TUB: variants seen among roughly 807,000 people sequenced by gnomAD.
TUB encodes the protein tubby protein homolog.
A neutral mutation model predicts 59.7 loss-of-function variants in TUB; 33 were observed. The ratio of observed to expected loss-of-function variants is 0.55; its 90% confidence interval spans 0.42 to 0.74. The LOEUF (loss-of-function observed/expected upper bound fraction) is 0.74, where lower values mean the gene tolerates loss of function less well. TUB is among the 30% of genes least tolerant of loss of function. The probability of loss-of-function intolerance (pLI) is 0.00; values close to 1 mark genes in which losing one functional copy is unlikely to be tolerated. For missense variants in TUB, 659 were observed against 672.0 expected (o/e 0.98, Z 0.21); for synonymous variants, 293 against 256.4 (o/e 1.14, Z -1.36).
upstream of TUB, among the ~76,000 whole-genome samples, chr11:8,034,086 C>T (rs2133716067): frequency 6.6e-6 from 1 of 152,338 alleles, no homozygotes; most frequent in South Asian, 2.1e-4. Flanking sequence ...TGGCCTCATC[C>T]CTCTCACCTG....
rs766320426 is a variant in TUB, at chr11:8,106,004, G to C, written c.*4385G>C. The C allele has an allele frequency of 2.0e-5, 3 of 151,798 alleles. No homozygotes were observed. Among genetic ancestry groups the C allele is most frequent in the Non-Finnish European group, 4.4e-5 (3 of 67,770 alleles). The allele number at this position is 151,798 out of a possible 1,614,324, so 9.4% of individuals were successfully genotyped here. ...CACAAGATTGTCTTTTCCTATTTTG[G>C]AGTGGTCAGACATTTTATTTTTGTT... On this transcript the variant is annotated 3_prime_UTR_variant, in exon 12 of 12. Transcript: ENST00000299506.
Position 8,095,641 on chromosome 11 carries a change from C to G in TUB, c.541C>G (p.Leu181Val). Residue 181 changes from leucine (L) to valine (V), a missense_variant, in exon 5 of 12, where the codon CTC (leucine) becomes GTC (valine). Transcript: ENST00000299506. ...GGGERPSGQD[L>V]RATMQRKGIS... ...GGGCGAACGGCCCAGCGGGCAGGAT[C>G]TCCGTGCCACGATGCAGAGGAAGGG... The G allele has an allele frequency of 6.2e-7, 1 of 1,605,950 alleles. No individual in the cohort carries two copies. Among genetic ancestry groups the G allele is most frequent in the Non-Finnish European group, 8.5e-7 (1 of 1,176,578 alleles).
At chr11:8,090,827 C>T (rs1259633613) in intron 3 of TUB, among the ~76,000 whole-genome samples, 1 of 151,940 alleles carries the variant, frequency 6.6e-6, no homozygotes, top group Non-Finnish European at 1.5e-5. Flanking sequence ...AGCACATCTC[C>T]AGAGATGGCT....
At chr11:8,097,661 T>C (rs1009963082) in intron 7 of TUB, 53 bp from the exon 8 acceptor site, 2 of 1,503,892 alleles carry the variant, frequency 1.3e-6, no homozygotes, top group African/African-American at 2.7e-5. Context: ...CTCTCATGAC[T>C]GTGTGCAGAC....
At chr11:8,080,261 C>A (rs1280950630), upstream of TUB, among the ~76,000 whole-genome samples, 1 of 152,244 alleles carries the variant, frequency 6.6e-6, no homozygotes, top group East Asian at 1.9e-4. Context: ...GGGGACCGTG[C>A]CCCTCCGCAG....
chr11:8,028,889 A>G (rs1942534023), intron 1 of TUB, among the ~76,000 whole-genome samples: 1 of 152,140 alleles, frequency 6.6e-6, no homozygotes, highest in Admixed American at 6.5e-5. Flanking sequence ...GCACATGCCT[A>G]TAGTACCAGC....
At chr11:8,042,303 A>G (rs1942764220) in intron 2 of TUB, among the ~76,000 whole-genome samples, 1 of 152,210 alleles carries the variant, frequency 6.6e-6, no homozygotes, top group Non-Finnish European at 1.5e-5. Flanking sequence ...GCATTTATCA[A>G]TACTTCATTT....
At position 8,101,986 on chromosome 11, in the gene TUB, T is replaced by C; in HGVS notation, c.*367T>C. On this transcript the variant is annotated 3_prime_UTR_variant, in exon 12 of 12. Coordinates refer to ENST00000299506, the MANE Select transcript of TUB (RefSeq NM_177972.3). ...AGGGAGAGGAAGCACACTGCAGGGC[T>C]GCTGTGGCCCAGTCGTCCGCTCAGC... is the stretch of plus-strand genomic sequence containing the variant. 4.0e-6 allele frequency: 1 copy of C among 250,566 alleles called. No individual in the cohort carries two copies. Among genetic ancestry groups the C allele is most frequent in the South Asian group, 9.1e-5 (1 of 11,020 alleles). The allele number at this position is 250,566 out of a possible 1,614,324, so 15.5% of individuals were successfully genotyped here.
chr11:8,071,537 A>G (rs1564910400), intron 2 of TUB, among the ~76,000 whole-genome samples: 1 of 152,188 alleles, frequency 6.6e-6, no homozygotes, highest in African/African-American at 2.4e-5. Flanking sequence ...TGGTGTTTTT[A>G]GATCAAGTGA....
intron 1 of TUB, 34 bp downstream of exon 1, chr11:8,081,582 C>A (rs749065071): frequency 6.7e-7 from 1 of 1,503,510 alleles, no homozygotes; most frequent in East Asian, 2.7e-5. Flanking sequence ...GCCCACCACT[C>A]CCGACTCGGG....
upstream of TUB, among the ~76,000 whole-genome samples, chr11:8,035,177 T>A (rs1348929954): frequency 6.6e-6 from 1 of 152,240 alleles, no homozygotes; most frequent in Admixed American, 6.5e-5. Flanking sequence ...AGTATTTTTT[T>A]AAATCAAAAT....
At chr11:8,101,127 T>A (rs1300285531) in intron 11 of TUB, 130 bp downstream of exon 11, 2 of 1,129,608 alleles carry the variant, frequency 1.8e-6, no homozygotes, top group Middle Eastern at 2.2e-4. Flanking sequence ...TAAGGTTAGA[T>A]GTATGGAACT....
chr11:8,055,608 T>C (rs1441947347), intron 2 of TUB, among the ~76,000 whole-genome samples: 2 of 152,212 alleles, frequency 1.3e-5, no homozygotes, highest in Admixed American at 1.3e-4. Flanking sequence ...CAGAGGCCCC[T>C]CACCCCAGGA....
upstream of TUB, among the ~76,000 whole-genome samples, chr11:8,037,031 T>G (rs1942656015): frequency 1.3e-5 from 2 of 152,206 alleles, no homozygotes; most frequent in Admixed American, 1.3e-4. Flanking sequence ...GTCCTTTTAC[T>G]CTGACTGGAG....
In TUB at chr11:8,021,932, A is replaced by G. The variant is rs201327234; in HGVS notation, c.56+2574A>G. On this transcript the variant is annotated intron_variant, in intron 1 of 11. Transcript: ENST00000534099. ...CTCCAGCTCAAAAAAAAAAAAAAAA[A>G]GAAAATTATTTTTCTGCTTTCAGAC... is the stretch of plus-strand genomic sequence containing the variant. Among the ~76,000 whole-genome samples the G allele has an allele frequency of 2.2e-3, 312 of 143,750 alleles. 8 individuals carry two copies. The East Asian group carries it at 0.053, about 24-fold the overall frequency. 94.3% of individuals were successfully genotyped at this position (143,750 alleles called of 152,430 possible).
intron 2 of TUB, among the ~76,000 whole-genome samples, chr11:8,060,516 C>A (rs1466409895): frequency 1.3e-5 from 2 of 152,178 alleles, no homozygotes; most frequent in African/African-American, 4.8e-5. Flanking sequence ...CCACTCTGGG[C>A]CTCAGCTTCT....
intron 2 of TUB, among the ~76,000 whole-genome samples, chr11:8,048,724 A>G (rs1026924672): frequency 1.3e-5 from 2 of 152,168 alleles, no homozygotes; most frequent in African/African-American, 4.8e-5. Flanking sequence ...TATTTTTTAA[A>G]ACAATCATCA....
intron 2 of TUB, among the ~76,000 whole-genome samples, chr11:8,073,904 AAGAGCAGAACCG>A (rs1482458958): frequency 1.4e-5 from 2 of 141,700 alleles, no homozygotes; most frequent in Non-Finnish European, 3.2e-5. Flanking sequence ...AGAGCAGGTA[AAGAGCAGAACCG>A]TAGTTCAGCA....
intron 1 of TUB, among the ~76,000 whole-genome samples, chr11:8,030,695 C>A (rs926611875): frequency 6.6e-6 from 1 of 152,100 alleles, no homozygotes; most frequent in Admixed American, 6.5e-5. Context: ...CAGATGGGAC[C>A]CTAGTGTCAG....
Sources: allele counts gnomAD v4.1 joint callset (sites outside exome capture counted in the v4.1 genomes callset), GRCh38; gene constraint gnomAD v4.1.1; transcripts MANE v1.5; gene names NCBI Gene and HGNC (gene_info 2026-07-23, HGNC 2026-07-21).